Variants in RPS6KA5 observed in about 807,000 individuals in gnomAD.
RPS6KA5 encodes the protein ribosomal protein S6 kinase A5.
In RPS6KA5, 27 loss-of-function variants were observed where a neutral mutation model predicts 85.5. That is an observed-to-expected ratio of 0.32 (90% confidence interval 0.23 to 0.44). RPS6KA5 has a LOEUF of 0.44. Among genes scored for constraint, RPS6KA5 ranks in the 20% least tolerant of loss-of-function variants. The probability of loss-of-function intolerance (pLI) is 1.00; values close to 1 mark genes in which losing one functional copy is unlikely to be tolerated. For synonymous variants in RPS6KA5, 334 were observed against 348.2 expected, an observed-to-expected ratio of 0.96 and a Z score of 0.46; for missense variants, 811 against 980.9, an observed-to-expected ratio of 0.83 and a Z score of 2.31.
intron 12 of RPS6KA5, among the ~76,000 whole-genome samples, chr14:90,898,836 A>AC (rs2034993345): frequency 6.6e-6 from 1 of 152,204 alleles, no homozygotes; most frequent in Admixed American, 6.5e-5. Flanking sequence ...AGCAGAATTT[A>AC]CCACCTGGAG....
At chr14:90,946,110 TG>T (rs2037855766) in intron 4 of RPS6KA5, among the ~76,000 whole-genome samples, 1 of 152,220 alleles carries the variant, frequency 6.6e-6, no homozygotes, top group Non-Finnish European at 1.5e-5. Flanking sequence ...AGCATATTCT[TG>T]GGTCCAATAG....
chr14:90,945,876 T>A (rs2037845590), intron 4 of RPS6KA5, among the ~76,000 whole-genome samples: 2 of 151,976 alleles, frequency 1.3e-5, no homozygotes, highest in African/African-American at 4.8e-5. Context: ...GGTGGCACGT[T>A]CCTGTGGTCC....
chr14:91,025,732 G>A lies in RPS6KA5; in HGVS notation c.104-24573C>T, dbSNP rs190101482. Among the ~76,000 whole-genome samples, 128 of 150,206 alleles carry A rather than the reference G, an allele frequency of 8.5e-4. 1 individual carries two copies. The highest frequency in any genetic ancestry group is 3.0e-3 in the African/African-American group (123 of 40,792). On this transcript the variant is annotated intron_variant, in intron 1 of 16. Transcript: ENST00000614987. ...GTTGGTCTGAGAGTCTCTCAGAGGTGTTCTAAAGATTTAAAACCTCCCAAC... is the reference window on the plus strand; with the variant it reads ...GTTGGTCTGAGAGTCTCTCAGAGGTATTCTAAAGATTTAAAACCTCCCAAC...
chr14:90,960,857 T>C (rs1397635677), intron 3 of RPS6KA5, among the ~76,000 whole-genome samples: 2 of 152,258 alleles, frequency 1.3e-5, no homozygotes, highest in Non-Finnish European at 2.9e-5. Flanking sequence ...ATAAGAAAAC[T>C]ATCAGAAGAT....
intron 5 of RPS6KA5, among the ~76,000 whole-genome samples, chr14:90,927,072 T>C (rs1316179026): frequency 1.3e-5 from 2 of 152,158 alleles, no homozygotes; most frequent in African/African-American, 4.8e-5. Context: ...AACGTTCTTG[T>C]AGTGGTCATG....
intron 1 of RPS6KA5, among the ~76,000 whole-genome samples, chr14:91,040,766 A>C (rs2042577462): frequency 6.6e-6 from 1 of 152,262 alleles, no homozygotes; most frequent in South Asian, 2.1e-4. Context: ...ACCAGGTAGA[A>C]GAGCACAGTT....
At chr14:91,032,552 C>T (rs888414682) in intron 1 of RPS6KA5, among the ~76,000 whole-genome samples, 3 of 152,086 alleles carry the variant, frequency 2.0e-5, no homozygotes, top group African/African-American at 7.2e-5. Context: ...TGCACTACAG[C>T]CAAAATGTGG....
chr14:91,002,293 C>T (rs980508152), intron 1 of RPS6KA5, among the ~76,000 whole-genome samples: 7 of 152,068 alleles, frequency 4.6e-5, no homozygotes, highest in Admixed American at 3.3e-4. Flanking sequence ...TGAACACATA[C>T]GTCAAAAGCA....
chr14:91,014,284 C>T (rs758536416), intron 1 of RPS6KA5, among the ~76,000 whole-genome samples: 4 of 152,020 alleles, frequency 2.6e-5, no homozygotes, highest in African/African-American at 7.2e-5. Context: ...AGCCGGATCA[C>T]GAGGTCAAGA....
rs10658805 is a variant in RPS6KA5, at chr14:90,914,309, G to GTTTTT, written c.806+5892_806+5896dup. Among the ~76,000 whole-genome samples the GTTTTT allele has an allele frequency of 2.0e-3, 163 of 81,508 alleles. 2 individuals carry two copies. Among genetic ancestry groups the GTTTTT allele is most frequent in the Middle Eastern group, 0.011 (1 of 92 alleles). The allele number at this position is 81,508 out of a possible 152,430, so 53.5% of individuals were successfully genotyped here. ...CACAGTTGGAAGAATGATCCCTAGG[G>GTTTTT]TTTTTTTTTTTTTTTTTTTTTTGAG... On this transcript the variant is annotated intron_variant, in intron 7 of 16. Transcript: ENST00000614987.
intron 3 of RPS6KA5, among the ~76,000 whole-genome samples, chr14:90,962,309 GT>G (rs5810523): frequency 0.77 from 114,698 of 149,020 alleles, 44,112 homozygotes; most frequent in East Asian, 0.97. Context: ...TCTTGGCACA[GT>G]TTTTTTTTTT....
chr14:91,003,959 C>G (rs1043697489), intron 1 of RPS6KA5, among the ~76,000 whole-genome samples: 3 of 152,216 alleles, frequency 2.0e-5, no homozygotes, highest in African/African-American at 4.8e-5. Context: ...CAAGTAAGTC[C>G]TTAAGCAGGT....
At chr14:90,912,678 T>C (rs963391239) in intron 7 of RPS6KA5, among the ~76,000 whole-genome samples, 5 of 152,154 alleles carry the variant, frequency 3.3e-5, no homozygotes, top group Non-Finnish European at 7.3e-5. Flanking sequence ...TCACTTTTGG[T>C]GTTACTGAGT....
In RPS6KA5 at chr14:90,872,284, C is replaced by T. The variant is rs1383676013; in HGVS notation, c.2199G>A (p.Gln733=). ...NKYKREGFCL[Q]NVDKAPLAKR... ...TAGCCAAAGGGGCCTTATCAACATT[C>T]TGAAGGCAAAACCCCTCTCTCTTGT... The change falls in exon 17 of 17, where the codon CAG becomes CAA. Residue 733 remains glutamine, a synonymous_variant. Transcript: ENST00000614987. 1 of 1,613,786 alleles carries T rather than the reference C, an allele frequency of 6.2e-7. No individual in the cohort carries two copies. The highest frequency in any genetic ancestry group is 8.5e-7 in the Non-Finnish European group (1 of 1,179,954).
At chr14:90,877,481 C>T (rs1384115758) in intron 14 of RPS6KA5, among the ~76,000 whole-genome samples, 2 of 152,168 alleles carry the variant, frequency 1.3e-5, no homozygotes, top group Non-Finnish European at 2.9e-5. Flanking sequence ...CTTCTTCCCT[C>T]CTGTATCCTT....
At chr14:90,875,165 C>T (rs1483957321) in intron 15 of RPS6KA5, 36 bp downstream of exon 15, 2 of 1,580,454 alleles carry the variant, frequency 1.3e-6, no homozygotes, top group Non-Finnish European at 1.7e-6. Flanking sequence ...AATCACTACA[C>T]ATCATATAAA....
At chr14:90,941,786 T>C (rs1464025651) in intron 5 of RPS6KA5, among the ~76,000 whole-genome samples, 1 of 152,252 alleles carries the variant, frequency 6.6e-6, no homozygotes, top group African/African-American at 2.4e-5. Flanking sequence ...TTCTAAAATG[T>C]AGTTGCTATT....
At chr14:91,038,008 G>C (rs555271602) in intron 1 of RPS6KA5, among the ~76,000 whole-genome samples, 76 of 152,342 alleles carry the variant, frequency 5.0e-4, no homozygotes, top group Middle Eastern at 3.4e-3. Context: ...GGAGGAAATA[G>C]GGGTGAGAGA....
At chr14:90,874,845 G>A (rs1018547479) in intron 15 of RPS6KA5, among the ~76,000 whole-genome samples, 6 of 152,212 alleles carry the variant, frequency 3.9e-5, no homozygotes, top group Admixed American at 2.0e-4. Flanking sequence ...CCAGGAGGAC[G>A]CCTAGGTTTC....
Sources: gnomAD v4.1 joint callset for allele counts (sites outside exome capture counted in the v4.1 genomes callset) on GRCh38, gnomAD v4.1.1 for gene constraint, MANE v1.5 for transcripts, NCBI Gene and HGNC (gene_info 2026-07-23, HGNC 2026-07-21) for gene names.